Variants in CCDC85A observed in about 807,000 individuals in gnomAD.
CCDC85A encodes the protein coiled-coil domain-containing protein 85A.
CCDC85A carries 38 observed loss-of-function variants against 50.2 expected under a neutral mutation model. That is an observed-to-expected ratio of 0.76 (90% CI 0.58 to 0.99). CCDC85A has a LOEUF of 0.99. CCDC85A is among the 50% of genes least tolerant of loss of function. CCDC85A has a pLI of 0.00. For missense variants in CCDC85A, 820 were observed against 742.0 expected (o/e 1.11, Z -1.22); for synonymous variants, 366 against 301.4 (o/e 1.21, Z -2.22).
At chr2:56,349,629 T>G (rs1314230072) in intron 3 of CCDC85A, among the ~76,000 whole-genome samples, 1 of 152,146 alleles carries the variant, frequency 6.6e-6, no homozygotes, top group Non-Finnish European at 1.5e-5. Flanking sequence ...TACATGATGA[T>G]AAATCTTCGT....
intron 2 of CCDC85A, among the ~76,000 whole-genome samples, chr2:56,342,352 TG>T (rs2104321874): frequency 6.6e-6 from 1 of 152,326 alleles, no homozygotes; most frequent in Admixed American, 6.5e-5. Context: ...AGTCTTCCTC[TG>T]AAATGTCTCA....
At chr2:56,275,117 T>TGTTA (rs890701234) in intron 2 of CCDC85A, among the ~76,000 whole-genome samples, 14 of 152,124 alleles carry the variant, frequency 9.2e-5, no homozygotes, top group African/African-American at 3.4e-4. Flanking sequence ...TTTTTGTTGT[T>TGTTA]GTTAGTGGGG....
At chr2:56,304,151 T>C (rs186593521) in intron 2 of CCDC85A, among the ~76,000 whole-genome samples, 6 of 152,306 alleles carry the variant, frequency 3.9e-5, no homozygotes, top group Non-Finnish European at 7.4e-5. Context: ...TTAGGAAATA[T>C]GGCATGTTAA....
chr2:56,229,333 A>G (rs1187973064), intron 2 of CCDC85A, among the ~76,000 whole-genome samples: 1 of 151,832 alleles, frequency 6.6e-6, no homozygotes, highest in African/African-American at 2.4e-5. Flanking sequence ...TTTTCCTTTG[A>G]TTGGCTGAGT....
In CCDC85A at chr2:56,342,787, G is replaced by C. The variant is rs1674439761; in HGVS notation, c.1241-92G>C. ...TTAAATAACAGACTAAATAGTCACT[G>C]TCTGATTTGAATAAATCAAGCCAGA... On this transcript the variant is annotated intron_variant, in intron 2 of 5. Transcript: ENST00000407595. 2.5e-5 allele frequency: 18 copies of C among 728,532 alleles called. No homozygotes were observed. In the South Asian group the frequency reaches 3.6e-4, roughly 15 times the overall value. The allele number at this position is 728,532 out of a possible 1,614,324, so 45.1% of individuals were successfully genotyped here.
chr2:56,313,366 C>T (rs1672780531), intron 2 of CCDC85A, among the ~76,000 whole-genome samples: 1 of 152,044 alleles, frequency 6.6e-6, no homozygotes, highest in Non-Finnish European at 1.5e-5. Flanking sequence ...CCTTATAGTA[C>T]CTGGCACATT....
intron 2 of CCDC85A, among the ~76,000 whole-genome samples, chr2:56,250,286 C>G (rs1432016081): frequency 1.3e-5 from 2 of 152,138 alleles, no homozygotes; most frequent in African/African-American, 4.8e-5. Flanking sequence ...AAAATGTGCC[C>G]TGGACCCTAT....
At chr2:56,233,447 C>T (rs1045308767) in intron 2 of CCDC85A, among the ~76,000 whole-genome samples, 4 of 152,144 alleles carry the variant, frequency 2.6e-5, no homozygotes, top group Admixed American at 6.5e-5. Context: ...AAATATTAGG[C>T]TGGCTTTGCA....
chr2:56,375,152 G>A (rs959078377), intron 4 of CCDC85A, among the ~76,000 whole-genome samples: 3 of 152,152 alleles, frequency 2.0e-5, no homozygotes, highest in African/African-American at 7.2e-5. Flanking sequence ...TCCAGTGCTT[G>A]TACAGAAGAA....
chr2:56,203,289 A>C, intron 2 of CCDC85A, among the ~76,000 whole-genome samples: 2 of 152,262 alleles, frequency 1.3e-5, no homozygotes, highest in Admixed American at 1.3e-4. Context: ...TAGCTCCCCC[A>C]GTATAGTGAC....
At chr2:56,365,325 C>T (rs1675736874) in intron 3 of CCDC85A, among the ~76,000 whole-genome samples, 1 of 152,166 alleles carries the variant, frequency 6.6e-6, no homozygotes, top group African/African-American at 2.4e-5. Context: ...GTTGCAGCCA[C>T]AGTTATGTGC....
Position 56,260,655 on chromosome 2 carries a change from G to A in CCDC85A, c.1240+67215G>A, listed in dbSNP as rs187770441. Among the ~76,000 whole-genome samples, 13 of 152,322 alleles carry A rather than the reference G, an allele frequency of 8.5e-5. No individual in the cohort carries two copies. In the East Asian group the frequency reaches 2.5e-3, roughly 29 times the overall value. On this transcript the variant is annotated intron_variant, in intron 2 of 5. Coordinates refer to ENST00000407595, the MANE Select transcript of CCDC85A (RefSeq NM_001080433.2). Reference sequence around the variant, plus strand: ...CTTCACTAGGCATTGCTGCCAGGAAGCATCATTTGAAGGTGACGTTGCCTG... The same window carrying A: ...CTTCACTAGGCATTGCTGCCAGGAAACATCATTTGAAGGTGACGTTGCCTG...
At chr2:56,309,663 A>G (rs951281688) in intron 2 of CCDC85A, among the ~76,000 whole-genome samples, 2 of 152,030 alleles carry the variant, frequency 1.3e-5, no homozygotes, top group Admixed American at 6.6e-5. Context: ...TCACATTTAG[A>G]AAACAGTTTT....
chr2:56,274,497 C>T (rs1028841250), intron 2 of CCDC85A, among the ~76,000 whole-genome samples: 1 of 152,186 alleles, frequency 6.6e-6, no homozygotes, highest in South Asian at 2.1e-4. Context: ...GGGAGAATTG[C>T]TTCCTTTTCA....
chr2:56,208,212 A>G (rs1055372105), intron 2 of CCDC85A, among the ~76,000 whole-genome samples: 3 of 152,184 alleles, frequency 2.0e-5, no homozygotes, highest in Non-Finnish European at 4.4e-5. Flanking sequence ...CTGAGTTCTT[A>G]TAAGAATATG....
chr2:56,282,736 C>T (rs572553129), intron 2 of CCDC85A, among the ~76,000 whole-genome samples: 139 of 152,350 alleles, frequency 9.1e-4, no homozygotes, highest in African/African-American at 3.2e-3. Flanking sequence ...TCTCGAACTC[C>T]TGACCTCATG....
intron 2 of CCDC85A, among the ~76,000 whole-genome samples, chr2:56,307,446 A>G (rs1159823286): frequency 1.3e-5 from 2 of 152,054 alleles, no homozygotes; most frequent in Non-Finnish European, 2.9e-5. Flanking sequence ...CAGTGATAGG[A>G]GGTAGTGTAG....
At chr2:56,278,344 A>G (rs1304645876) in intron 2 of CCDC85A, among the ~76,000 whole-genome samples, 2 of 151,938 alleles carry the variant, frequency 1.3e-5, no homozygotes, top group Non-Finnish European at 2.9e-5. Context: ...TCTTCATTAT[A>G]TCCTTCAACT....
intron 2 of CCDC85A, among the ~76,000 whole-genome samples, chr2:56,278,060 T>A (rs1365497589): frequency 1.3e-5 from 2 of 152,146 alleles, no homozygotes; most frequent in Non-Finnish European, 2.9e-5. Context: ...CCATTGGATA[T>A]GCTGGCCTAG....
Sources: allele counts gnomAD v4.1 joint callset (sites outside exome capture counted in the v4.1 genomes callset), GRCh38; gene constraint gnomAD v4.1.1; transcripts MANE v1.5; gene names NCBI Gene and HGNC (gene_info 2026-07-23, HGNC 2026-07-21).